AFG2A: variants seen among roughly 807,000 people sequenced by gnomAD.
AFG2A encodes the protein AAA ATPase AFG2A, also known as ATPase family gene 2 protein homolog A.
chr4:122,982,457 T>C, the AFG2A span, among the ~76,000 whole-genome samples: 8 of 152,188 alleles, frequency 5.3e-5, no homozygotes, highest in Non-Finnish European at 7.4e-5. Flanking sequence ...GGCCTGTAAT[T>C]TTCTATTCTT....
At chr4:123,127,114 T>C in the AFG2A span, among the ~76,000 whole-genome samples, 1 of 152,128 alleles carries the variant, frequency 6.6e-6, no homozygotes, top group Non-Finnish European at 1.5e-5. Flanking sequence ...GCAGGAGGAT[T>C]GCTAGCTAGA....
At chr4:123,049,182 G>T in the AFG2A span, among the ~76,000 whole-genome samples, 1 of 152,042 alleles carries the variant, frequency 6.6e-6, no homozygotes. Flanking sequence ...CGCATATGTT[G>T]GTTCATCCTT....
chr4:123,111,707 A>T, the AFG2A span, among the ~76,000 whole-genome samples: 2 of 150,462 alleles, frequency 1.3e-5, no homozygotes, highest in African/African-American at 4.9e-5. Flanking sequence ...TTTGTATTAT[A>T]CTTCTTCTTC....
the AFG2A span, among the ~76,000 whole-genome samples, chr4:123,007,568 ATGTGTGTGTG>A: frequency 1.1e-5 from 1 of 91,768 alleles, no homozygotes; most frequent in African/African-American, 5.3e-5. Flanking sequence ...GTGTGTGTAT[ATGTGTGTGTG>A]TGTGTGTGTG....
At chr4:123,086,032 C>T in the AFG2A span, among the ~76,000 whole-genome samples, 9 of 152,038 alleles carry the variant, frequency 5.9e-5, no homozygotes, top group Middle Eastern at 3.4e-3. Context: ...TTCACTTGTC[C>T]GTAAACTATA....
the AFG2A span, among the ~76,000 whole-genome samples, chr4:123,212,135 A>G: frequency 6.6e-6 from 1 of 152,204 alleles, no homozygotes; most frequent in East Asian, 1.9e-4. Context: ...TATGTAGATT[A>G]TTTTTGCCTC....
the AFG2A span, among the ~76,000 whole-genome samples, chr4:123,194,701 G>A: frequency 3.2e-4 from 49 of 152,082 alleles, no homozygotes; most frequent in Non-Finnish European, 6.2e-4. Flanking sequence ...CTAGATTTTT[G>A]AATAAAGTGT....
chr4:123,024,227 C>CAAAAAAAAAAAAAAAAAAAAAA, the AFG2A span, among the ~76,000 whole-genome samples: 2 of 123,638 alleles, frequency 1.6e-5, no homozygotes, highest in Non-Finnish European at 1.6e-5. Flanking sequence ...AGACTATAAG[C>CAAAAAAAAAAAAAAAAAAAAAA]AAAAAAAAAA....
the AFG2A span, among the ~76,000 whole-genome samples, chr4:122,960,759 C>T: frequency 6.6e-6 from 1 of 152,042 alleles, no homozygotes; most frequent in South Asian, 2.1e-4. Context: ...TATCTCTTGT[C>T]CAGTGTTCTG....
chr4:123,138,461 C>T, the AFG2A span, among the ~76,000 whole-genome samples: 1 of 152,144 alleles, frequency 6.6e-6, no homozygotes, highest in Non-Finnish European at 1.5e-5. Context: ...ATTTTTAAGA[C>T]ATATTTCATA....
At chr4:123,124,037 T>G in the AFG2A span, among the ~76,000 whole-genome samples, 76 of 151,124 alleles carry the variant, frequency 5.0e-4, no homozygotes, top group Admixed American at 2.2e-3. Flanking sequence ...TACACTGTTG[T>G]TGGGACTGTA....
At chr4:123,073,985 C>G in the AFG2A span, among the ~76,000 whole-genome samples, 1 of 151,804 alleles carries the variant, frequency 6.6e-6, no homozygotes. Context: ...TGGTCACAGA[C>G]AGTTATCTTT....
chr4:123,060,435 C>T, the AFG2A span, among the ~76,000 whole-genome samples: 2 of 152,240 alleles, frequency 1.3e-5, no homozygotes, highest in Non-Finnish European at 2.9e-5. Context: ...GAAATCTAGG[C>T]GGAAGTTCCC....
chr4:122,940,086 A>G, the AFG2A span, among the ~76,000 whole-genome samples: 6,224 of 152,260 alleles, frequency 0.041, 413 homozygotes, highest in African/African-American at 0.14. Flanking sequence ...GTGCCGCAAT[A>G]AACATACGTG....
chr4:123,303,178 G>A, the AFG2A span, among the ~76,000 whole-genome samples: 3 of 152,084 alleles, frequency 2.0e-5, no homozygotes, highest in Non-Finnish European at 4.4e-5. Flanking sequence ...CCCCATAGAT[G>A]CAAATGCTAG....
the AFG2A span, among the ~76,000 whole-genome samples, chr4:123,014,208 T>C: frequency 6.6e-6 from 1 of 152,198 alleles, no homozygotes; most frequent in Non-Finnish European, 1.5e-5. Flanking sequence ...TTGCAGGAGT[T>C]ACTAAGCAGT....
chr4:123,128,971 C>CT, the AFG2A span, among the ~76,000 whole-genome samples: 2 of 152,034 alleles, frequency 1.3e-5, no homozygotes, highest in African/African-American at 4.8e-5. Flanking sequence ...GTATTATATG[C>CT]TTTTTTTCAT....
At chr4:122,932,758 A>G in the AFG2A span, among the ~76,000 whole-genome samples, 5 of 152,186 alleles carry the variant, frequency 3.3e-5, no homozygotes, top group African/African-American at 1.2e-4. Context: ...TTCCTTGGTC[A>G]TGCCCTTTCT....
the AFG2A span, among the ~76,000 whole-genome samples, chr4:123,179,821 T>C: frequency 6.6e-6 from 1 of 152,206 alleles, no homozygotes; most frequent in Non-Finnish European, 1.5e-5. Context: ...TCTCTTAAAA[T>C]CATTAACAGA....
Sources: gnomAD v4.1 joint callset for allele counts (sites outside exome capture counted in the v4.1 genomes callset) on GRCh38, gnomAD v4.1.1 for gene constraint, MANE v1.5 for transcripts, NCBI Gene and HGNC (gene_info 2026-07-23, HGNC 2026-07-21) for gene names.